Variants in SNTG2 observed in about 807,000 individuals in gnomAD.
The protein encoded by SNTG2 is gamma-2-syntrophin.
Under a neutral mutation model 70.9 loss-of-function variants are expected in SNTG2, and 74 were observed. The ratio of observed to expected loss-of-function variants is 1.04; its 90% CI spans 0.86 to 1.27. The LOEUF (loss-of-function observed/expected upper bound fraction) is 1.27, where lower values mean the gene tolerates loss of function less well. Ranked by LOEUF, SNTG2 falls within the 50% of genes most tolerant of loss-of-function variation. The pLI is 0.00. For missense variants in SNTG2, 717 were observed against 690.7 expected, an observed-to-expected ratio of 1.04 and a Z score of -0.43; for synonymous variants, 278 against 273.8, an observed-to-expected ratio of 1.02 and a Z score of -0.15.
At chr2:1,010,173 G>A (rs1052153911) in intron 1 of SNTG2, among the ~76,000 whole-genome samples, 2 of 152,020 alleles carry the variant, frequency 1.3e-5, no homozygotes, top group Non-Finnish European at 2.9e-5. Context: ...GGATGTCCAC[G>A]GGGTGAGTTG....
intron 16 of SNTG2, among the ~76,000 whole-genome samples, chr2:1,339,838 G>A (rs991528499): frequency 6.6e-6 from 1 of 152,206 alleles, no homozygotes; most frequent in African/African-American, 2.4e-5. Context: ...ATGGTCAGGT[G>A]GGGGAAAGGG....
chr2:1,293,532 G>T (rs921847224), intron 14 of SNTG2, among the ~76,000 whole-genome samples: 2 of 151,836 alleles, frequency 1.3e-5, no homozygotes, highest in Admixed American at 1.3e-4. Flanking sequence ...TTACTGTGTT[G>T]TGTGAATTCT....
intron 1 of SNTG2, among the ~76,000 whole-genome samples, chr2:977,146 A>C (rs1014530333): frequency 6.6e-6 from 1 of 152,178 alleles, no homozygotes; most frequent in African/African-American, 2.4e-5. Context: ...GTTGTGGGAG[A>C]GCCTGTTCCT....
chr2:1,206,832 T>C (rs998512622), intron 8 of SNTG2, among the ~76,000 whole-genome samples: 3 of 152,220 alleles, frequency 2.0e-5, no homozygotes, highest in Admixed American at 2.0e-4. Context: ...TACTATTTTG[T>C]TTATTTAAAT....
At chr2:977,649 C>G (rs1313841905) in intron 1 of SNTG2, among the ~76,000 whole-genome samples, 1 of 152,186 alleles carries the variant, frequency 6.6e-6, no homozygotes, top group African/African-American at 2.4e-5. Flanking sequence ...GTCTCATCCC[C>G]TTGGTGGTTT....
chr2:1,085,074 G>GC, intron 2 of SNTG2, among the ~76,000 whole-genome samples: 1 of 152,174 alleles, frequency 6.6e-6, no homozygotes, highest in Non-Finnish European at 1.5e-5. Flanking sequence ...CAACCCTGAG[G>GC]CTTTTTTTCC....
At chr2:1,018,740 T>G (rs1187551977) in intron 1 of SNTG2, among the ~76,000 whole-genome samples, 1 of 151,972 alleles carries the variant, frequency 6.6e-6, no homozygotes, top group East Asian at 1.9e-4. Context: ...CAAAAAAAAA[T>G]TAATAATAAT....
chr2:1,034,532 A>G (rs1413102253), intron 1 of SNTG2, among the ~76,000 whole-genome samples: 1 of 152,214 alleles, frequency 6.6e-6, no homozygotes, highest in Non-Finnish European at 1.5e-5. Flanking sequence ...AGGAATCACC[A>G]CACTGCCTTC....
chr2:997,217 C>A (rs1178786446), intron 1 of SNTG2, among the ~76,000 whole-genome samples: 1 of 152,110 alleles, frequency 6.6e-6, no homozygotes, highest in East Asian at 1.9e-4. Context: ...GTACTGGGGG[C>A]GTGACAAGCT....
chr2:1,101,650 G>T (rs1234327711), intron 4 of SNTG2, among the ~76,000 whole-genome samples: 1 of 152,154 alleles, frequency 6.6e-6, no homozygotes, highest in Non-Finnish European at 1.5e-5. Context: ...GCCCAGGAGA[G>T]CATACCCTCT....
chr2:971,714 CT>C (rs60378106), intron 1 of SNTG2, among the ~76,000 whole-genome samples: 11,648 of 144,974 alleles, frequency 0.08, 672 homozygotes, highest in South Asian at 0.21. Flanking sequence ...CAGTTTCCTC[CT>C]TTTTTTTTTT....
At chr2:986,726 C>T (rs1292971824) in intron 1 of SNTG2, among the ~76,000 whole-genome samples, 6 of 148,032 alleles carry the variant, frequency 4.1e-5, no homozygotes, top group Admixed American at 1.3e-4. Context: ...ATAGAGGGTT[C>T]GTTCTTTTAG....
chr2:1,131,752 C>G (rs76151575), intron 4 of SNTG2, among the ~76,000 whole-genome samples: 1 of 151,700 alleles, frequency 6.6e-6, no homozygotes, highest in South Asian at 2.1e-4. Flanking sequence ...CCCGGGTTCA[C>G]GTGATTCTCC....
At chr2:1,338,615 A>G (rs1659933920) in intron 16 of SNTG2, among the ~76,000 whole-genome samples, 1 of 152,202 alleles carries the variant, frequency 6.6e-6, no homozygotes, top group Non-Finnish European at 1.5e-5. Flanking sequence ...TAGAAGTGCA[A>G]TAGTAGAATA....
At chr2:963,543 TC>T (rs1660427339) in intron 1 of SNTG2, among the ~76,000 whole-genome samples, 2 of 152,178 alleles carry the variant, frequency 1.3e-5, no homozygotes, top group African/African-American at 4.8e-5. Context: ...TTAATAATGT[TC>T]TTATTGAAAT....
At chr2:1,026,608 T>C (rs1348779990) in intron 1 of SNTG2, among the ~76,000 whole-genome samples, 1 of 152,186 alleles carries the variant, frequency 6.6e-6, no homozygotes, top group African/African-American at 2.4e-5. Context: ...AGGCATGAAA[T>C]TGTTGACAAC....
At chr2:1,086,601 C>T (rs918043853) in intron 2 of SNTG2, among the ~76,000 whole-genome samples, 1 of 152,302 alleles carries the variant, frequency 6.6e-6, no homozygotes. Flanking sequence ...ACATTCTCTC[C>T]AGCACAATCT....
chr2:954,319 G>A (rs944628996), intron 1 of SNTG2, among the ~76,000 whole-genome samples: 5 of 152,162 alleles, frequency 3.3e-5, no homozygotes, highest in South Asian at 2.1e-4. Flanking sequence ...CTTGGGTTCC[G>A]AAGGTCACTT....
intron 16 of SNTG2, among the ~76,000 whole-genome samples, chr2:1,362,386 C>T (rs1007804623): frequency 1.0e-4 from 15 of 150,328 alleles, no homozygotes; most frequent in South Asian, 8.5e-4. Flanking sequence ...AGGTCACCAA[C>T]GCTGAGCATT....
Sources: gnomAD v4.1 joint callset for allele counts (sites outside exome capture counted in the v4.1 genomes callset) on GRCh38, gnomAD v4.1.1 for gene constraint, MANE v1.5 for transcripts, NCBI Gene and HGNC (gene_info 2026-07-23, HGNC 2026-07-21) for gene names.